Variants in GRID2 observed in about 807,000 individuals in gnomAD.
The protein encoded by GRID2 is glutamate receptor ionotropic, delta-2.
A neutral mutation model predicts 114.8 loss-of-function variants in GRID2; 33 were observed. The observed-to-expected ratio is 0.29, with a 90% CI of 0.22 to 0.38. GRID2 has a LOEUF of 0.38. Ranked by LOEUF, GRID2 falls within the 10% of genes least tolerant of loss-of-function variation. The probability of loss-of-function intolerance (pLI) is 1.00; values close to 1 mark genes in which losing one functional copy is unlikely to be tolerated. For synonymous variants in GRID2, 505 were observed against 449.9 expected, an observed-to-expected ratio of 1.12 and a Z score of -1.55; for missense variants, 1,184 against 1,257.7, an observed-to-expected ratio of 0.94 and a Z score of 0.89.
At position 92,610,402 on chromosome 4, in the gene GRID2, C is replaced by T. The variant is rs148891218; in HGVS notation, c.244+20116C>T. On this transcript the variant is annotated intron_variant, in intron 2 of 15. Transcript: ENST00000282020. ...GTGTGTGATATTGTTCCACTTTTAA[C>T]CCTAAACATAACGATCATACCTGTC... Among the ~76,000 whole-genome samples the T allele has an allele frequency of 4.8e-3, 729 of 151,710 alleles. 9 individuals are homozygous for T. The highest frequency in any genetic ancestry group is 0.017 in the African/African-American group (685 of 41,458).
intron 14 of GRID2, among the ~76,000 whole-genome samples, chr4:93,766,632 G>A (rs979846695): frequency 2.0e-5 from 3 of 152,190 alleles, no homozygotes; most frequent in Non-Finnish European, 4.4e-5. Context: ...TTAAGCAAAT[G>A]TTGCTGTAGT....
intron 2 of GRID2, among the ~76,000 whole-genome samples, chr4:92,942,654 C>T (rs1325572751): frequency 6.6e-6 from 1 of 152,202 alleles, no homozygotes; most frequent in Non-Finnish European, 1.5e-5. Flanking sequence ...GATGCAGTTG[C>T]TTCCTAGCCT....
At chr4:92,750,386 A>T (rs139365180) in intron 2 of GRID2, among the ~76,000 whole-genome samples, 327 of 152,284 alleles carry the variant, frequency 2.1e-3, no homozygotes, top group Non-Finnish European at 3.5e-3. Flanking sequence ...AGCCCTTAGG[A>T]TCGATAATTA....
intron 1 of GRID2, among the ~76,000 whole-genome samples, chr4:92,571,160 A>T (rs1363495839): frequency 6.6e-6 from 1 of 152,044 alleles, no homozygotes; most frequent in Non-Finnish European, 1.5e-5. Flanking sequence ...ATATGAAGGG[A>T]TGTTGAATTT....
At chr4:92,629,163 A>T (rs1240665386) in intron 2 of GRID2, among the ~76,000 whole-genome samples, 3 of 152,038 alleles carry the variant, frequency 2.0e-5, no homozygotes, top group African/African-American at 7.2e-5. Flanking sequence ...TAGAAATAAT[A>T]ATTTGTTGTT....
chr4:93,695,149 C>G (rs1207875033), intron 14 of GRID2, among the ~76,000 whole-genome samples: 2 of 143,400 alleles, frequency 1.4e-5, no homozygotes. Context: ...CCAGCCTGGG[C>G]AACAGACTGA....
At chr4:92,455,089 T>G (rs1579394765) in intron 1 of GRID2, among the ~76,000 whole-genome samples, 3 of 152,314 alleles carry the variant, frequency 2.0e-5, no homozygotes, top group East Asian at 3.9e-4. Flanking sequence ...CGCTGTAAAT[T>G]TCTATTCATT....
intron 2 of GRID2, among the ~76,000 whole-genome samples, chr4:92,696,754 G>A (rs559309627): frequency 6.6e-6 from 1 of 152,222 alleles, no homozygotes; most frequent in Non-Finnish European, 1.5e-5. Context: ...CCAAAATTAA[G>A]TAAGAGTTTA....
At chr4:92,306,587 G>A (rs2110102428) in intron 1 of GRID2, among the ~76,000 whole-genome samples, 1 of 152,176 alleles carries the variant, frequency 6.6e-6, no homozygotes, top group East Asian at 1.9e-4. Flanking sequence ...GAAAGCCTGT[G>A]GAAGAATGCT....
intron 2 of GRID2, among the ~76,000 whole-genome samples, chr4:92,863,616 G>A (rs987754447): frequency 2.0e-5 from 3 of 152,066 alleles, no homozygotes; most frequent in African/African-American, 7.2e-5. Flanking sequence ...CTTTCTCTAT[G>A]TAGTATTAGT....
exon 2 of GRID2, chr4:93,810,030 C>T (rs1735102380): frequency 6.6e-6 from 1 of 152,192 alleles, no homozygotes; most frequent in African/African-American, 2.4e-5. Context: ...ATCTCCAGGT[C>T]ATGGTAGCTG....
intron 13 of GRID2, among the ~76,000 whole-genome samples, chr4:93,517,964 TATAC>T (rs1729924312): frequency 5.6e-5 from 2 of 35,404 alleles, no homozygotes; most frequent in South Asian, 1.2e-3. Context: ...TATGTATGTA[TATAC>T]ATACATGTAC....
intron 8 of GRID2, among the ~76,000 whole-genome samples, chr4:93,275,287 T>C (rs1295997893): frequency 2.0e-5 from 3 of 151,916 alleles, no homozygotes; most frequent in Admixed American, 6.6e-5. Context: ...ATTGTCTAGG[T>C]GTACCATATT....
At chr4:93,556,617 C>T (rs548737663) in intron 13 of GRID2, among the ~76,000 whole-genome samples, 54 of 152,232 alleles carry the variant, frequency 3.5e-4, no homozygotes, top group South Asian at 2.1e-3. Context: ...ACCAAACCTA[C>T]GTTTGACTGG....
intron 2 of GRID2, among the ~76,000 whole-genome samples, chr4:92,663,668 T>C (rs1312775105): frequency 4.0e-5 from 6 of 151,182 alleles, no homozygotes; most frequent in Non-Finnish European, 7.4e-5. Context: ...TGCCATCTTA[T>C]CTATTTTTAA....
At chr4:93,026,385 A>T (rs955761122) in intron 2 of GRID2, among the ~76,000 whole-genome samples, 1 of 151,906 alleles carries the variant, frequency 6.6e-6, no homozygotes, top group African/African-American at 2.4e-5. Flanking sequence ...GTTTGAAGAT[A>T]AACATATTTC....
intron 2 of GRID2, among the ~76,000 whole-genome samples, chr4:93,017,311 G>A (rs908813734): frequency 3.3e-5 from 5 of 151,988 alleles, no homozygotes; most frequent in African/African-American, 1.2e-4. Flanking sequence ...ATTCTAAATA[G>A]CCAATTTGTT....
At chr4:93,411,172 T>C (rs1445819498) in intron 9 of GRID2, among the ~76,000 whole-genome samples, 5 of 152,190 alleles carry the variant, frequency 3.3e-5, no homozygotes, top group Admixed American at 3.3e-4. Context: ...TTTTAGTGTC[T>C]ACCACTAGCT....
At chr4:93,257,415 A>G (rs946933325) in intron 8 of GRID2, among the ~76,000 whole-genome samples, 1 of 151,782 alleles carries the variant, frequency 6.6e-6, no homozygotes, top group Admixed American at 6.6e-5. Flanking sequence ...AAAACCAAAA[A>G]TTTATTGATT....
Sources: gnomAD v4.1 joint callset for allele counts (sites outside exome capture counted in the v4.1 genomes callset) on GRCh38, gnomAD v4.1.1 for gene constraint, MANE v1.5 for transcripts, NCBI Gene and HGNC (gene_info 2026-07-23, HGNC 2026-07-21) for gene names.